Variants in ZNF486 observed in about 807,000 individuals in gnomAD.
ZNF486 encodes the protein KRAB box only protein 2.
ZNF486 carries 12 observed loss-of-function variants against 12.8 expected under a neutral mutation model. The observed-to-expected ratio is 0.94, with a 90% CI of 0.60 to 1.52. The LOEUF is 1.52. Among genes scored for constraint, ZNF486 ranks in the 40% most tolerant of loss-of-function variants. ZNF486 has a pLI of 0.00. For synonymous variants in ZNF486, 231 were observed against 184.9 expected, an observed-to-expected ratio of 1.25 and a Z score of -2.02; for missense variants, 738 against 545.0, an observed-to-expected ratio of 1.35 and a Z score of -3.53.
chr19:20,197,129 A>G lies in ZNF486; in HGVS notation c.419A>G (p.Asn140Ser), dbSNP rs202173343. The change falls in exon 4 of 4, where the codon AAT (asparagine) becomes AGT (serine). Residue 140 changes from asparagine (N) to serine (S), a missense_variant. Physicochemically the swap from Asn to Ser is conservative, Grantham distance 46. Transcript: ENST00000335117. ...DECKLHKRGY[N>S]GLNQCLTTTQ... ...TGTAAGTTACACAAAAGAGGTTATA[A>G]TGGACTTAACCAATGTTTGACAACT... The G allele has an allele frequency of 1.3e-4, 208 of 1,613,976 alleles. No individual in the cohort carries two copies. In the African/African-American group the frequency reaches 2.2e-3, roughly 17 times the overall value.
In ZNF486 at chr19:20,197,409, T is replaced by C. The variant is rs781840707; in HGVS notation, c.699T>C (p.Thr233=). Reference sequence around the variant, plus strand: ...TTACTACACATAAGATAACTCATACTAGAGAGAAACCCTACAAATGTGAAG... The same window carrying C: ...TTACTACACATAAGATAACTCATACCAGAGAGAAACCCTACAAATGTGAAG... ...SHLTTHKITH[T]REKPYKCEEC... is the part of the protein sequence containing the mutation. Residue 233 remains threonine (T), a synonymous_variant, in exon 4 of 4, where the codon ACT becomes ACC. Transcript: ENST00000335117. 1.2e-6 allele frequency: 2 copies of C among 1,613,064 alleles called. No homozygotes were observed. The highest frequency in any genetic ancestry group is 1.7e-6 in the Non-Finnish European group (2 of 1,179,478).
intron 1 of ZNF486, among the ~76,000 whole-genome samples, chr19:20,174,398 TTC>T (rs1555714339): frequency 2.7e-5 from 4 of 148,046 alleles, no homozygotes; most frequent in African/African-American, 1.0e-4. Context: ...TCTTTCTTTC[TTC>T]TTTTTTTTTT....
chr19:20,192,076 A>G (rs182486556), intron 3 of ZNF486, among the ~76,000 whole-genome samples: 113 of 152,294 alleles, frequency 7.4e-4, no homozygotes, highest in African/African-American at 2.6e-3. Context: ...CCATAATATA[A>G]TATCATTCTT....
In ZNF486 at chr19:20,200,486, A is replaced by T. The variant is rs1555718758; in HGVS notation, c.*2384A>T. 1.3e-5 allele frequency: 2 copies of T among 152,148 alleles called. No individual in the cohort carries two copies. Among genetic ancestry groups the T allele is most frequent in the African/African-American group, 4.8e-5 (2 of 41,460 alleles). The allele number at this position is 152,148 out of a possible 1,614,324, so 9.4% of individuals were successfully genotyped here. ...GTAATAAAATGCAGTGCATTTAAAA[A>T]TTGTTAGATTATGTGTGAATTTAAT... On this transcript the variant is annotated 3_prime_UTR_variant, in exon 4 of 4. Transcript: ENST00000335117.
chr19:20,167,234 C>T lies in ZNF486; in HGVS notation c.-97C>T, dbSNP rs782154839. 28 of 1,476,906 alleles carry T rather than the reference C, an allele frequency of 1.9e-5. No individual in the cohort carries two copies. Among genetic ancestry groups the T allele is most frequent in the Admixed American group, 3.4e-5 (2 of 59,286 alleles). 91.5% of individuals were successfully genotyped at this position (1,476,906 alleles called of 1,614,324 possible). A position where few individuals can be genotyped will look rare whatever the true frequency, so the allele number is the denominator to read the frequency against. The stretch of plus-strand genomic sequence containing the variant: ...CCTTTGTCTCTCGCTGCATCTGGAG[C>T]TCTAGGTCGCCTCTTCGCTACTCTG... On this transcript the variant is annotated 5_prime_UTR_variant, in exon 1 of 4. Coordinates refer to ENST00000335117, the MANE Select transcript of ZNF486 (RefSeq NM_052852.4).
intron 1 of ZNF486, among the ~76,000 whole-genome samples, chr19:20,173,776 G>C (rs915929641): frequency 4.0e-5 from 6 of 151,850 alleles, no homozygotes; most frequent in Non-Finnish European, 5.9e-5. Flanking sequence ...GGCTTGCAGT[G>C]AGCTGAGATA....
At position 20,200,364 on chromosome 19, in the gene ZNF486, G is replaced by A. The variant is rs980718977; in HGVS notation, c.*2262G>A. ...CCTATATGAAGTAATGTATAAGGTA[G>A]GTCAGAGTAATACTTTTCTACATTA... On this transcript the variant is annotated 3_prime_UTR_variant, in exon 4 of 4. Transcript: ENST00000335117. 6.6e-6 allele frequency: 1 copy of A among 152,032 alleles called. No individual in the cohort carries two copies. Among genetic ancestry groups the A allele is most frequent in the Admixed American group, 6.6e-5 (1 of 15,238 alleles). The allele number at this position is 152,032 out of a possible 1,614,324, so 9.4% of individuals were successfully genotyped here.
At chr19:20,167,508 A>ACCATCT in intron 1 of ZNF486, 148 bp downstream of exon 1, 2 of 904,266 alleles carry the variant, frequency 2.2e-6, no homozygotes, top group Non-Finnish European at 3.4e-6. Context: ...CCCTTCAGCC[A>ACCATCT]TAAGATGGTG....
At position 20,179,340 on chromosome 19, in the gene ZNF486, T is replaced by C. The variant is rs118091526; in HGVS notation, c.31-5016T>C. Among the ~76,000 whole-genome samples the C allele has an allele frequency of 6.0e-3, 917 of 152,346 alleles. 5 individuals are homozygous for C. Among genetic ancestry groups the C allele is most frequent in the Non-Finnish European group, 0.01 (704 of 68,026 alleles). On this transcript the variant is annotated intron_variant, in intron 1 of 3. Transcript: ENST00000335117. ...CAACTCTGCATCAGCCCACTTTCTG[T>C]CCCTGTCTTGTCTTGACATATCTTC...
At chr19:20,172,977 A>AG (rs1166558504) in intron 1 of ZNF486, among the ~76,000 whole-genome samples, 2 of 152,186 alleles carry the variant, frequency 1.3e-5, no homozygotes, top group Non-Finnish European at 2.9e-5. Context: ...GGCCTTTGTC[A>AG]GAGGCAAAGT....
intron 2 of ZNF486, among the ~76,000 whole-genome samples, chr19:20,185,404 GTTTTTTTT>G (rs782413355): frequency 7.2e-5 from 5 of 69,604 alleles, no homozygotes; most frequent in Non-Finnish European, 1.0e-4. Flanking sequence ...TATTGTTTAT[GTTTTTTTT>G]TTTTTTTTTT....
chr19:20,195,123 C>T (rs1276336986), intron 3 of ZNF486, among the ~76,000 whole-genome samples: 1 of 152,158 alleles, frequency 6.6e-6, no homozygotes, highest in Non-Finnish European at 1.5e-5. Flanking sequence ...CCACCCACCT[C>T]AGCCTCCTAA....
At chr19:20,182,221 AT>A (rs1187540965) in intron 1 of ZNF486, among the ~76,000 whole-genome samples, 2 of 152,220 alleles carry the variant, frequency 1.3e-5, no homozygotes, top group Admixed American at 6.5e-5. Context: ...CAACTTCAGC[AT>A]TGACAGGGGA....
intron 2 of ZNF486, among the ~76,000 whole-genome samples, chr19:20,185,515 A>G (rs2089833122): frequency 6.7e-6 from 1 of 149,130 alleles, no homozygotes; most frequent in African/African-American, 2.5e-5. Context: ...GGTTCAAGCA[A>G]TTCTCCTGTC....
intron 1 of ZNF486, among the ~76,000 whole-genome samples, chr19:20,183,375 A>G (rs11670317): frequency 1.6e-4 from 24 of 152,384 alleles, no homozygotes; most frequent in Non-Finnish European, 2.9e-4. Context: ...TTTATTATCC[A>G]GAAAGTTCTG....
chr19:20,191,890 AT>A, intron 3 of ZNF486, among the ~76,000 whole-genome samples: 1 of 152,258 alleles, frequency 6.6e-6, no homozygotes, highest in East Asian at 1.9e-4. Context: ...TGAATTTTCT[AT>A]TTATTATTGC....
intron 1 of ZNF486, chr19:20,176,695 C>A (rs543219310): frequency 6.4e-6 from 1 of 155,386 alleles, no homozygotes; most frequent in Non-Finnish European, 1.4e-5. Flanking sequence ...CGTGGCGGCG[C>A]GCACCTGCAA....
chr19:20,192,843 G>C (rs1355849286), intron 3 of ZNF486, among the ~76,000 whole-genome samples: 1 of 152,048 alleles, frequency 6.6e-6, no homozygotes, highest in Non-Finnish European at 1.5e-5. Flanking sequence ...AGCCTACCTT[G>C]GCCTTCCAAA....
At chr19:20,167,926 C>T (rs1321002522) in intron 1 of ZNF486, among the ~76,000 whole-genome samples, 10 of 152,012 alleles carry the variant, frequency 6.6e-5, no homozygotes, top group African/African-American at 2.2e-4. Context: ...CCTTTTTCTC[C>T]CTTTTCCTTT....
Sources: allele counts gnomAD v4.1 joint callset (sites outside exome capture counted in the v4.1 genomes callset), GRCh38; gene constraint gnomAD v4.1.1; transcripts MANE v1.5; gene names NCBI Gene and HGNC (gene_info 2026-07-23, HGNC 2026-07-21).